Variants in SYT1 observed in about 807,000 individuals in gnomAD.
SYT1 encodes the protein synaptotagmin-1.
SYT1 carries 8 observed loss-of-function variants against 44.8 expected under a neutral mutation model. The observed-to-expected ratio is 0.18, with a 90% CI of 0.10 to 0.32. The LOEUF (loss-of-function observed/expected upper bound fraction) is 0.32. Among genes scored for constraint, SYT1 ranks in the 10% least tolerant of loss-of-function variants. SYT1 has a pLI of 1.00. For synonymous variants in SYT1, 154 were observed against 188.8 expected (o/e 0.82, Z 1.51); for missense variants, 286 against 509.3 (o/e 0.56, Z 4.22).
chr12:79,161,582 G>A (rs1870952876), intron 3 of SYT1, among the ~76,000 whole-genome samples: 1 of 152,042 alleles, frequency 6.6e-6, no homozygotes. Flanking sequence ...ACTATATAAT[G>A]GATGCTGACA....
chr12:79,090,242 G>T (rs1222253858), intron 3 of SYT1, among the ~76,000 whole-genome samples: 1 of 151,970 alleles, frequency 6.6e-6, no homozygotes, highest in Non-Finnish European at 1.5e-5. Context: ...GTGGAGAATA[G>T]ATCTCATTGT....
At chr12:79,213,144 A>G (rs1057129016) in intron 3 of SYT1, among the ~76,000 whole-genome samples, 1 of 152,190 alleles carries the variant, frequency 6.6e-6, no homozygotes, top group African/African-American at 2.4e-5. Context: ...TTTTTTAGTG[A>G]TAAAGAATAG....
At chr12:79,222,361 A>G (rs1012739715) in intron 4 of SYT1, among the ~76,000 whole-genome samples, 3 of 7,398 alleles carry the variant, frequency 4.1e-4, no homozygotes, top group African/African-American at 6.0e-4. Flanking sequence ...ATTTTCTGCT[A>G]CTATTTATTT....
intron 3 of SYT1, among the ~76,000 whole-genome samples, chr12:79,179,856 A>C (rs1872409646): frequency 6.6e-6 from 1 of 152,104 alleles, no homozygotes; most frequent in Non-Finnish European, 1.5e-5. Flanking sequence ...ATTGAAACTA[A>C]CTTTACACTT....
At chr12:79,236,486 C>T (rs905734424) in intron 4 of SYT1, among the ~76,000 whole-genome samples, 6 of 152,168 alleles carry the variant, frequency 3.9e-5, no homozygotes, top group African/African-American at 1.2e-4. Flanking sequence ...TCAAACCTCC[C>T]TATCCTAAAA....
intron 4 of SYT1, among the ~76,000 whole-genome samples, chr12:79,239,158 A>G (rs1270918190): frequency 6.6e-6 from 1 of 152,232 alleles, no homozygotes; most frequent in Non-Finnish European, 1.5e-5. Context: ...TGTGTAAAAA[A>G]TTGACTTGTA....
chr12:79,447,210 CT>C (rs201722087), intron 10 of SYT1, among the ~76,000 whole-genome samples: 2,066 of 148,464 alleles, frequency 0.014, 41 homozygotes, highest in African/African-American at 0.043. Flanking sequence ...TCACTTTGTT[CT>C]TTTTTTTTTC....
At chr12:79,209,996 T>G (rs1045909883) in intron 3 of SYT1, among the ~76,000 whole-genome samples, 6 of 152,232 alleles carry the variant, frequency 3.9e-5, no homozygotes, top group African/African-American at 1.4e-4. Flanking sequence ...CATGCTATTG[T>G]TATAAAATAC....
At chr12:79,057,855 CA>C (rs1178349535) in intron 3 of SYT1, among the ~76,000 whole-genome samples, 1 of 151,496 alleles carries the variant, frequency 6.6e-6, no homozygotes, top group Non-Finnish European at 1.5e-5. Flanking sequence ...AAGCCTGAAA[CA>C]AAACAAAATA....
At chr12:79,187,116 C>G (rs546762141) in intron 3 of SYT1, among the ~76,000 whole-genome samples, 1 of 152,072 alleles carries the variant, frequency 6.6e-6, no homozygotes, top group South Asian at 2.1e-4. Context: ...TTCTACACCC[C>G]CTTACAGCAC....
chr12:78,971,873 A>G (rs1296779497), intron 1 of SYT1, among the ~76,000 whole-genome samples: 1 of 152,112 alleles, frequency 6.6e-6, no homozygotes, highest in Non-Finnish European at 1.5e-5. Context: ...TCAATTTCTG[A>G]ACACTGTTTT....
intron 9 of SYT1, among the ~76,000 whole-genome samples, chr12:79,396,171 TC>T (rs1290418974): frequency 1.3e-5 from 2 of 152,168 alleles, no homozygotes; most frequent in African/African-American, 4.8e-5. Context: ...CTAATGGAGT[TC>T]CAGGTGAGAA....
At chr12:79,037,213 T>C (rs868765348) in intron 2 of SYT1, among the ~76,000 whole-genome samples, 3 of 151,840 alleles carry the variant, frequency 2.0e-5, no homozygotes, top group Middle Eastern at 3.4e-3. Context: ...TCTTCATGCT[T>C]TGATAGTGCC....
chr12:79,276,922 T>G (rs1419968296), intron 4 of SYT1, among the ~76,000 whole-genome samples: 6 of 123,332 alleles, frequency 4.9e-5, no homozygotes, highest in African/African-American at 6.3e-5. Context: ...GAAGGAAAAA[T>G]GATGAAGGAA....
At chr12:78,890,153 A>G (rs1046377254) in intron 1 of SYT1, among the ~76,000 whole-genome samples, 1 of 151,926 alleles carries the variant, frequency 6.6e-6, no homozygotes. Flanking sequence ...ATTTCTTACA[A>G]TCTGTACAAT....
At chr12:79,024,838 A>G (rs551725672) in intron 2 of SYT1, among the ~76,000 whole-genome samples, 1 of 151,934 alleles carries the variant, frequency 6.6e-6, no homozygotes, top group South Asian at 2.1e-4. Context: ...ATTTTGATCT[A>G]GCTTTGTTCC....
intron 1 of SYT1, among the ~76,000 whole-genome samples, chr12:78,913,432 T>C (rs1048506359): frequency 1.3e-5 from 2 of 151,606 alleles, no homozygotes; most frequent in South Asian, 2.1e-4. Flanking sequence ...TACTTTATTA[T>C]AGTTAAGGAA....
At chr12:79,428,101 T>C (rs1360076830) in intron 9 of SYT1, among the ~76,000 whole-genome samples, 1 of 152,168 alleles carries the variant, frequency 6.6e-6, no homozygotes, top group Non-Finnish European at 1.5e-5. Flanking sequence ...ATCTGTAAAA[T>C]GGAGGTCATA....
intron 2 of SYT1, among the ~76,000 whole-genome samples, chr12:78,997,662 T>TC (rs1870467824): frequency 6.7e-6 from 1 of 150,260 alleles, no homozygotes; most frequent in East Asian, 1.9e-4. Flanking sequence ...TCTTTCTCTT[T>TC]CCTTTTTTTT....
Sources: gnomAD v4.1 joint callset for allele counts (sites outside exome capture counted in the v4.1 genomes callset) on GRCh38, gnomAD v4.1.1 for gene constraint, MANE v1.5 for transcripts, NCBI Gene and HGNC (gene_info 2026-07-23, HGNC 2026-07-21) for gene names.